CEP295: variants seen among roughly 807,000 people sequenced by gnomAD.
CEP295 encodes centrosomal protein 295.
CEP295 carries 190 observed loss-of-function variants against 291.6 expected under a neutral mutation model. The ratio of observed to expected loss-of-function variants is 0.65; its 90% confidence interval spans 0.58 to 0.73. The LOEUF is 0.73. CEP295 is among the 30% of genes least tolerant of loss of function. CEP295 has a pLI of 0.00. For synonymous variants in CEP295, 993 were observed against 1,038.8 expected, an observed-to-expected ratio of 0.96 and a Z score of 0.85; for missense variants, 2,863 against 2,949.4, an observed-to-expected ratio of 0.97 and a Z score of 0.68.
chr11:93,670,492 A>C (rs1257706368), intron 5 of CEP295, among the ~76,000 whole-genome samples: 3 of 152,300 alleles, frequency 2.0e-5, no homozygotes, highest in Admixed American at 1.3e-4. Context: ...TGATTGTCAA[A>C]ATTACCTAGT....
rs1428824326 is a variant in CEP295, at chr11:93,696,691, G to A, written c.1779G>A (p.Arg593=). ...HQLLQQNRLH[R]QSVETARKQL... Reference sequence around the variant, plus strand: ...CTTTTGTTTTTGGTAGGTTACACAGGCAGTCTGTTGAAACAGCCAGGAAAC... The same window carrying A: ...CTTTTGTTTTTGGTAGGTTACACAGACAGTCTGTTGAAACAGCCAGGAAAC... Residue 593 remains arginine, a synonymous_variant, in exon 15 of 30, where the codon AGG becomes AGA. Transcript: ENST00000325212. 2 of 1,544,768 alleles carry A rather than the reference G, an allele frequency of 1.3e-6. No homozygotes were observed. Among genetic ancestry groups the A allele is most frequent in the Admixed American group, 2.0e-5 (1 of 50,044 alleles).
At chr11:93,666,374 A>G (rs1463895892) in intron 1 of CEP295, among the ~76,000 whole-genome samples, 2 of 152,308 alleles carry the variant, frequency 1.3e-5, no homozygotes, top group East Asian at 3.9e-4. Context: ...TAGGTGGATC[A>G]CTTGAGGCCA....
rs1262867288 is a variant in CEP295 at position 93,698,379 on chromosome 11, G to C, written c.3467G>C (p.Ser1156Thr). Reference sequence around the variant, plus strand: ...AAGTCTCTTAGTTTTCCACAGCATAGCCTGGCACAGCAAGAAAATTTGACA... The same window carrying C: ...AAGTCTCTTAGTTTTCCACAGCATACCCTGGCACAGCAAGAAAATTTGACA... ...QDKSLSFPQH[S>T]LAQQENLTIL... The change falls in exon 15 of 30, where the codon AGC becomes ACC. Residue 1156 changes from serine to threonine, a missense_variant. Coordinates refer to ENST00000325212, the MANE Select transcript of CEP295 (RefSeq NM_033395.2). 1.3e-6 allele frequency: 2 copies of C among 1,552,156 alleles called. No individual in the cohort carries two copies. The highest frequency in any genetic ancestry group is 2.4e-5 in the East Asian group (1 of 40,920).
At position 93,698,128 on chromosome 11, in the gene CEP295, G is replaced by T. The variant is rs1269420433; in HGVS notation, c.3216G>T (p.Gln1072His). 3.2e-6 allele frequency: 5 copies of T among 1,552,194 alleles called. No individual in the cohort carries two copies. Among genetic ancestry groups the T allele is most frequent in the Non-Finnish European group, 4.4e-6 (5 of 1,147,098 alleles). The change falls in exon 15 of 30, where the codon CAG becomes CAT. Residue 1072 changes from glutamine to histidine, a missense_variant. Physicochemically the swap from Gln to His is conservative, Grantham distance 24 (BLOSUM62 0). This residue lies in a region of CEP295 where 2,295 missense variants were observed against 2,335.7 expected (regional missense o/e 0.98). Coordinates refer to ENST00000325212, the MANE Select transcript of CEP295 (RefSeq NM_033395.2). ...TGACTAAACAGAGGGATACTCTTCA[G>T]GCTAGGCATGAAGCTCAGGTGGAAT... ...EQLTKQRDTL[Q>H]ARHEAQVELL...
chr11:93,713,226 T>C (rs1480091102), intron 18 of CEP295, among the ~76,000 whole-genome samples: 1 of 152,242 alleles, frequency 6.6e-6, no homozygotes, highest in Non-Finnish European at 1.5e-5. Flanking sequence ...TAAGTATGAG[T>C]AGTTTACACA....
chr11:93,677,631 C>A (rs972413250), intron 6 of CEP295, among the ~76,000 whole-genome samples: 6 of 152,120 alleles, frequency 3.9e-5, no homozygotes, highest in Non-Finnish European at 7.4e-5. Flanking sequence ...AGTTACGTAG[C>A]ATTTTTTTCA....
chr11:93,702,539 A>T lies in CEP295; in HGVS notation c.5354A>T (p.Asp1785Val). ...QLRDWFPNTQ[D>V]LAGNDQENIR... is the part of the protein sequence containing the mutation. ...AGAGACTGGTTTCCTAATACACAAG[A>T]CCTAGCAGGAAATGATCAAGAAAAT... Residue 1785 changes from aspartate (D) to valine (V), a missense_variant, in exon 16 of 30, where the codon GAC becomes GTC. Coordinates refer to ENST00000325212, the MANE Select transcript of CEP295 (RefSeq NM_033395.2). The T allele has an allele frequency of 6.4e-7, 1 of 1,551,110 alleles. No homozygotes were observed. Among genetic ancestry groups the T allele is most frequent in the Non-Finnish European group, 8.7e-7 (1 of 1,146,632 alleles).
At chr11:93,707,941 C>T (rs1952628473) in intron 18 of CEP295, among the ~76,000 whole-genome samples, 1 of 152,100 alleles carries the variant, frequency 6.6e-6, no homozygotes, top group African/African-American at 2.4e-5. Flanking sequence ...TTTAACATCT[C>T]TTTAAATTGT....
intron 5 of CEP295, among the ~76,000 whole-genome samples, chr11:93,671,677 G>A (rs1174738473): frequency 6.6e-6 from 1 of 152,194 alleles, no homozygotes. Context: ...GTTTCTGAAT[G>A]TCTTGAGATG....
chr11:93,708,901 T>A (rs1952702776), intron 18 of CEP295, among the ~76,000 whole-genome samples: 1 of 152,208 alleles, frequency 6.6e-6, no homozygotes, highest in South Asian at 2.1e-4. Context: ...ATCACTGGTG[T>A]TGATTGAGCA....
Position 93,713,936 on chromosome 11 carries a change from A to C in CEP295, c.5749+7039A>C, listed in dbSNP as rs1027583237. 2.0e-5 allele frequency among the ~76,000 whole-genome samples: 3 copies of C among 152,184 alleles called. No homozygotes were observed. The South Asian group carries it at 6.2e-4, about 31-fold the overall frequency. ...TTCATTGTGCTTGATCAGTTCTACT[A>C]TTAAGAGACTGATCCAGTCTTCAGT... On this transcript the variant is annotated intron_variant, in intron 18 of 29. Transcript: ENST00000325212.
chr11:93,666,885 A>C lies in CEP295; in HGVS notation c.108+70A>C. The stretch of plus-strand genomic sequence containing the variant: ...AATTACTTGTATTCTTTTACATTAG[A>C]GTGTTCTAAATGTTGTATTTAAAAA... On this transcript the variant is annotated intron_variant, in intron 2 of 29. Coordinates refer to ENST00000325212, the MANE Select transcript of CEP295 (RefSeq NM_033395.2). 3.3e-6 allele frequency: 3 copies of C among 908,184 alleles called. No homozygotes were observed. In the South Asian group the frequency reaches 4.8e-5, roughly 14 times the overall value. 56.3% of individuals were successfully genotyped at this position (908,184 alleles called of 1,614,324 possible).
At chr11:93,665,349 C>T (rs1341052339) in intron 1 of CEP295, among the ~76,000 whole-genome samples, 1 of 152,124 alleles carries the variant, frequency 6.6e-6, no homozygotes, top group East Asian at 1.9e-4. Context: ...CCTCGTTCCC[C>T]CAAATAGGAG....
In CEP295 at chr11:93,724,702, G is replaced by A. The variant is rs146030393; in HGVS notation, c.6318+327G>A. Among the ~76,000 whole-genome samples the A allele has an allele frequency of 8.0e-3, 1,215 of 152,252 alleles. 20 individuals carry two copies. Among genetic ancestry groups the A allele is most frequent in the East Asian group, 0.053 (273 of 5,168 alleles). ...GGACCACTTGAGCCCAGGAGGTGGAGGCTGCAGTGAGCTGAGATCGTGCCA... is the reference window on the plus strand; with the variant it reads ...GGACCACTTGAGCCCAGGAGGTGGAAGCTGCAGTGAGCTGAGATCGTGCCA... On this transcript the variant is annotated intron_variant, in intron 22 of 29. Coordinates refer to ENST00000325212, the MANE Select transcript of CEP295 (RefSeq NM_033395.2).
At position 93,727,453 on chromosome 11, in the gene CEP295, G is replaced by C; in HGVS notation, c.6977G>C (p.Arg2326Thr). Residue 2326 changes from arginine to threonine, a missense_variant, in exon 24 of 30, where the codon AGA (arginine) becomes ACA (threonine). By Grantham distance (71) the Arg-to-Thr change is moderately conservative. Transcript: ENST00000325212. ...GAAACTGACTCTCGATTATGTGTAA[G>C]AACAGTGGAGATGGGAACTTCAATT... ...VEETDSRLCV[R>T]TVEMGTSIQA... 5 of 1,551,942 alleles carry C rather than the reference G, an allele frequency of 3.2e-6. No individual in the cohort carries two copies. Among genetic ancestry groups the C allele is most frequent in the South Asian group, 1.2e-5 (1 of 84,048 alleles).
At chr11:93,702,394 C>A in intron 15 of CEP295, 66 bp from the exon 16 acceptor site, 2 of 1,075,492 alleles carry the variant, frequency 1.9e-6, no homozygotes, top group South Asian at 2.0e-5. Context: ...AGATATAAAT[C>A]TAATGAATAA....
intron 7 of CEP295, among the ~76,000 whole-genome samples, chr11:93,681,693 C>T (rs1048174940): frequency 4.0e-5 from 6 of 151,802 alleles, no homozygotes; most frequent in East Asian, 3.9e-4. Flanking sequence ...GGATTACAGG[C>T]GTGAGCCACC....
At chr11:93,669,007 G>A (rs1161788148) in intron 4 of CEP295, 75 bp downstream of exon 4, 14 of 716,232 alleles carry the variant, frequency 2.0e-5, no homozygotes, top group Non-Finnish European at 3.2e-5. Context: ...AGGATACTGT[G>A]TAAGCAAATA....
At chr11:93,714,157 G>A (rs1278136034) in intron 18 of CEP295, among the ~76,000 whole-genome samples, 1 of 152,154 alleles carries the variant, frequency 6.6e-6, no homozygotes. Flanking sequence ...ATTGGCCCTT[G>A]GTCCCTTATT....
Sources: allele counts gnomAD v4.1 joint callset (sites outside exome capture counted in the v4.1 genomes callset), GRCh38; gene constraint gnomAD v4.1.1; regional missense constraint gnomAD v4.1.1; transcripts MANE v1.5; gene names NCBI Gene and HGNC (gene_info 2026-07-23, HGNC 2026-07-21).